SGMS1: variants seen among roughly 807,000 people sequenced by gnomAD.
SGMS1 encodes sphingomyelin synthase 1.
In SGMS1, 13 loss-of-function variants were observed where a neutral mutation model predicts 46.2. The observed-to-expected ratio is 0.28, with a 90% CI of 0.18 to 0.45. SGMS1 has a LOEUF of 0.45. SGMS1 is among the 20% of genes least tolerant of loss of function. The pLI is 1.00. For missense variants in SGMS1, 324 were observed against 519.9 expected, an observed-to-expected ratio of 0.62 and a Z score of 3.66; for synonymous variants, 203 against 187.8, an observed-to-expected ratio of 1.08 and a Z score of -0.66.
intron 6 of SGMS1, among the ~76,000 whole-genome samples, chr10:50,418,947 G>T (rs1849218873): frequency 6.6e-6 from 1 of 152,098 alleles, no homozygotes; most frequent in South Asian, 2.1e-4. Context: ...ATATTAAATG[G>T]AAAATTCTAG....
At chr10:50,458,362 T>C in intron 5 of SGMS1, among the ~76,000 whole-genome samples, 1 of 112,966 alleles carries the variant, frequency 8.9e-6, no homozygotes, top group East Asian at 2.5e-4. Context: ...TTTTTTTTTT[T>C]TTTTTTTGTT....
At chr10:50,436,651 C>A (rs1173760916) in intron 5 of SGMS1, among the ~76,000 whole-genome samples, 1 of 152,194 alleles carries the variant, frequency 6.6e-6, no homozygotes, top group Non-Finnish European at 1.5e-5. Context: ...GAAAACCTGG[C>A]TCCTTTTCTG....
intron 1 of SGMS1, among the ~76,000 whole-genome samples, chr10:50,623,350 C>T (rs1838874827): frequency 6.6e-6 from 1 of 152,144 alleles, no homozygotes; most frequent in African/African-American, 2.4e-5. Context: ...CCCGATCGCC[C>T]CAATCCGACA....
At chr10:50,436,070 C>T (rs1351212881) in intron 5 of SGMS1, among the ~76,000 whole-genome samples, 2 of 152,224 alleles carry the variant, frequency 1.3e-5, no homozygotes, top group Non-Finnish European at 2.9e-5. Context: ...TTTAGCACCA[C>T]TGTGGTTATT....
chr10:50,368,792 T>A (rs532360074), intron 6 of SGMS1, among the ~76,000 whole-genome samples: 6 of 152,348 alleles, frequency 3.9e-5, no homozygotes, highest in Non-Finnish European at 7.3e-5. Context: ...TTCAAATTAG[T>A]TAACCAAAGG....
At chr10:50,553,109 G>C (rs898719176) in intron 2 of SGMS1, among the ~76,000 whole-genome samples, 1 of 152,200 alleles carries the variant, frequency 6.6e-6, no homozygotes, top group African/African-American at 2.4e-5. Context: ...CCATGGTGTT[G>C]TGATCTATGC....
intron 2 of SGMS1, among the ~76,000 whole-genome samples, chr10:50,558,075 G>A (rs1436455362): frequency 1.3e-5 from 2 of 152,136 alleles, no homozygotes; most frequent in Non-Finnish European, 2.9e-5. Context: ...TTAAGAAACT[G>A]AGTCCCAGGG....
chr10:50,412,649 A>T (rs2133574169), intron 6 of SGMS1, among the ~76,000 whole-genome samples: 1 of 152,370 alleles, frequency 6.6e-6, no homozygotes, highest in Middle Eastern at 3.4e-3. Flanking sequence ...ACATTTGCAC[A>T]TACATTTGCT....
chr10:50,428,217 C>G (rs2133609221), intron 6 of SGMS1, among the ~76,000 whole-genome samples: 1 of 152,228 alleles, frequency 6.6e-6, no homozygotes, highest in African/African-American at 2.4e-5. Flanking sequence ...GTCCTCTTCA[C>G]TCAAAGACCA....
chr10:50,355,652 G>A (rs1301834395), intron 6 of SGMS1, among the ~76,000 whole-genome samples: 1 of 152,206 alleles, frequency 6.6e-6, no homozygotes, highest in Non-Finnish European at 1.5e-5. Flanking sequence ...GCCTGCCTTG[G>A]CCTCCCAAAG....
intron 3 of SGMS1, among the ~76,000 whole-genome samples, chr10:50,481,694 T>G (rs564353053): frequency 6.6e-6 from 1 of 152,126 alleles, no homozygotes; most frequent in Non-Finnish European, 1.5e-5. Flanking sequence ...GTAACAGAAG[T>G]AGGCTTCAGA....
chr10:50,341,405 A>G, intron 7 of SGMS1: 1 of 456,050 alleles, frequency 2.2e-6, no homozygotes, highest in Non-Finnish European at 4.4e-6. Flanking sequence ...TAGGAAGATC[A>G]TGACGACTCT....
At chr10:50,546,110 AG>A (rs1434779231) in intron 2 of SGMS1, among the ~76,000 whole-genome samples, 1 of 152,158 alleles carries the variant, frequency 6.6e-6, no homozygotes, top group Non-Finnish European at 1.5e-5. Flanking sequence ...GATGGCCACC[AG>A]GTGACCTCTG....
chr10:50,334,315 T>C (rs1847677098), intron 7 of SGMS1, among the ~76,000 whole-genome samples: 1 of 152,216 alleles, frequency 6.6e-6, no homozygotes, highest in South Asian at 2.1e-4. Flanking sequence ...TATGTATATA[T>C]GTGTACATAT....
At chr10:50,564,501 C>T (rs544144002) in intron 2 of SGMS1, among the ~76,000 whole-genome samples, 6 of 152,286 alleles carry the variant, frequency 3.9e-5, no homozygotes, top group Middle Eastern at 3.4e-3. Flanking sequence ...ACCACAAGCA[C>T]GTGAGATGAT....
intron 6 of SGMS1, among the ~76,000 whole-genome samples, chr10:50,416,773 AC>A (rs1291640802): frequency 6.6e-6 from 1 of 151,776 alleles, no homozygotes; most frequent in Non-Finnish European, 1.5e-5. Flanking sequence ...AAAGTTTCTA[AC>A]AAATTATTTT....
In SGMS1 at chr10:50,358,027, C is replaced by T. The variant is rs770780353; in HGVS notation, c.-231-13682G>A. Among the ~76,000 whole-genome samples the T allele has an allele frequency of 4.2e-4, 64 of 152,144 alleles. 1 individual carries two copies. Among genetic ancestry groups the T allele is most frequent in the Admixed American group, 1.8e-3 (28 of 15,270 alleles). ...GGACATGGTGGTTCATGCCTGTAAT[C>T]GCAAAACTTTGGGAGGCCAAGGTGG... On this transcript the variant is annotated intron_variant, in intron 6 of 10. Transcript: ENST00000361781.
At chr10:50,421,922 T>A (rs1849260078) in intron 6 of SGMS1, among the ~76,000 whole-genome samples, 1 of 152,160 alleles carries the variant, frequency 6.6e-6, no homozygotes, top group South Asian at 2.1e-4. Context: ...CCAGCTAAGG[T>A]GACAGAGTTT....
At chr10:50,356,032 G>A (rs566204994) in intron 6 of SGMS1, among the ~76,000 whole-genome samples, 26 of 152,232 alleles carry the variant, frequency 1.7e-4, no homozygotes, top group Non-Finnish European at 3.4e-4. Flanking sequence ...GAGCCCCTCC[G>A]CCCGGCAGCC....
Sources: gnomAD v4.1 joint callset for allele counts (sites outside exome capture counted in the v4.1 genomes callset) on GRCh38, gnomAD v4.1.1 for gene constraint, MANE v1.5 for transcripts, NCBI Gene and HGNC (gene_info 2026-07-23, HGNC 2026-07-21) for gene names.